VTCN1: variants seen among roughly 807,000 people sequenced by gnomAD.
VTCN1 encodes V-set domain-containing T-cell activation inhibitor 1.
VTCN1 carries 26 observed loss-of-function variants against 26.5 expected under a neutral mutation model. The observed-to-expected ratio is 0.98, with a 90% CI of 0.72 to 1.36. VTCN1 has a LOEUF of 1.36. Among genes scored for constraint, VTCN1 ranks in the 40% most tolerant of loss-of-function variants. The probability of loss-of-function intolerance (pLI) is 0.00; values close to 1 mark genes in which losing one functional copy is unlikely to be tolerated. For missense variants in VTCN1, 298 were observed against 337.7 expected, an observed-to-expected ratio of 0.88 and a Z score of 0.92; for synonymous variants, 116 against 130.7, an observed-to-expected ratio of 0.89 and a Z score of 0.77.
chr1:117,190,151 C>G (rs1460010323), intron 1 of VTCN1, among the ~76,000 whole-genome samples: 1 of 152,248 alleles, frequency 6.6e-6, no homozygotes, highest in South Asian at 2.1e-4. Context: ...TAGTCCCTCT[C>G]TGCTGTGCTT....
At chr1:117,180,024 G>C (rs1647593952) in intron 1 of VTCN1, among the ~76,000 whole-genome samples, 3 of 152,056 alleles carry the variant, frequency 2.0e-5, no homozygotes, top group African/African-American at 7.2e-5. Context: ...TGTAAATCTT[G>C]GGATTCGAAT....
In VTCN1 at chr1:117,206,408, A is replaced by G. The variant is rs61808502; in HGVS notation, c.32+4416T>C. On this transcript the variant is annotated intron_variant, in intron 1 of 5. Transcript: ENST00000369458. Reference sequence around the variant, plus strand: ...GTATAGCAATAGCTAACATTTATGGAGTTCTTAGGATGTGCCAGGAACATA... The same window carrying G: ...GTATAGCAATAGCTAACATTTATGGGGTTCTTAGGATGTGCCAGGAACATA... Among the ~76,000 whole-genome samples, 883 of 152,286 alleles carry G rather than the reference A, an allele frequency of 5.8e-3. 7 individuals carry two copies. Among genetic ancestry groups the G allele is most frequent in the Middle Eastern group, 0.024 (7 of 294 alleles).
intron 1 of VTCN1, among the ~76,000 whole-genome samples, chr1:117,174,577 G>A (rs138897127): frequency 0.039 from 5,863 of 152,248 alleles, 164 homozygotes; most frequent in South Asian, 0.082. Flanking sequence ...GACCAGCCCG[G>A]CCAACATGGT....
intron 1 of VTCN1, among the ~76,000 whole-genome samples, chr1:117,173,813 C>T (rs1315632220): frequency 6.6e-6 from 1 of 152,248 alleles, no homozygotes; most frequent in Non-Finnish European, 1.5e-5. Flanking sequence ...TACCTGGGCC[C>T]TTGCCAAGAA....
intron 1 of VTCN1, among the ~76,000 whole-genome samples, chr1:117,191,961 G>A (rs568265766): frequency 6.6e-6 from 1 of 151,840 alleles, no homozygotes; most frequent in East Asian, 1.9e-4. Context: ...AAGACCCTGT[G>A]GGGTGGGAGG....
intron 2 of VTCN1, among the ~76,000 whole-genome samples, chr1:117,168,015 G>A (rs1008551366): frequency 4.6e-5 from 7 of 151,810 alleles, no homozygotes; most frequent in African/African-American, 1.2e-4. Flanking sequence ...AAAAAAAACC[G>A]AAATTATGAA....
At chr1:117,170,373 G>T (rs1270868402) in intron 1 of VTCN1, 4 of 672,368 alleles carry the variant, frequency 5.9e-6, no homozygotes, top group African/African-American at 1.8e-5. Flanking sequence ...TGGGGCTCTG[G>T]GATCAATGAA....
chr1:117,208,824 A>C (rs77309624), intron 1 of VTCN1, among the ~76,000 whole-genome samples: 2,546 of 152,280 alleles, frequency 0.017, 74 homozygotes, highest in African/African-American at 0.058. Context: ...GGCTCTCTGG[A>C]AATTATGAAT....
chr1:117,153,298 A>G lies in VTCN1; in HGVS notation c.517T>C (p.Trp173Arg). The G allele has an allele frequency of 6.2e-7, 1 of 1,614,100 alleles. No individual in the cohort carries two copies. Among genetic ancestry groups the G allele is most frequent in the Non-Finnish European group, 8.5e-7 (1 of 1,179,996 alleles). Residue 173 changes from tryptophan (W) to arginine (R), a missense_variant, in exon 4 of 6, where the codon TGG becomes CGG. By Grantham distance (101) the Trp-to-Arg change is moderately radical. Transcript: ENST00000369458. The part of the protein sequence containing the change: ...SETLRCEAPR[W>R]FPQPTVVWAS... Reference sequence around the variant, plus strand: ...CAGACCACTGTGGGCTGGGGGAACCATCGGGGAGCCTCACACCGCAAGGTC... The same window carrying G: ...CAGACCACTGTGGGCTGGGGGAACCGTCGGGGAGCCTCACACCGCAAGGTC...
intron 1 of VTCN1, among the ~76,000 whole-genome samples, chr1:117,207,499 T>A: frequency 6.6e-6 from 1 of 152,094 alleles, no homozygotes; most frequent in Non-Finnish European, 1.5e-5. Context: ...CCATCCGTCC[T>A]GGCCCCTTGC....
At chr1:117,165,352 CATGATA>C (rs1219416231) in intron 2 of VTCN1, among the ~76,000 whole-genome samples, 1 of 152,180 alleles carries the variant, frequency 6.6e-6, no homozygotes, top group African/African-American at 2.4e-5. Context: ...AAGATATCAT[CATGATA>C]AAGTTTAGAT....
intron 1 of VTCN1, among the ~76,000 whole-genome samples, chr1:117,209,330 T>A (rs774957370): frequency 1.2e-4 from 19 of 152,102 alleles, no homozygotes; most frequent in Non-Finnish European, 2.4e-4. Flanking sequence ...TGGAGCCACT[T>A]GTTGCAGGAG....
intron 1 of VTCN1, among the ~76,000 whole-genome samples, chr1:117,189,808 C>G (rs1648147817): frequency 6.6e-6 from 1 of 152,102 alleles, no homozygotes. Context: ...TCCTATTCCC[C>G]CACAGCAATG....
intron 3 of VTCN1, among the ~76,000 whole-genome samples, chr1:117,156,339 C>A (rs1007565662): frequency 6.6e-6 from 1 of 152,116 alleles, no homozygotes; most frequent in South Asian, 2.1e-4. Flanking sequence ...GAGAACACAC[C>A]TGGAAATTCT....
At chr1:117,178,610 T>C (rs1180308941) in intron 1 of VTCN1, among the ~76,000 whole-genome samples, 2 of 148,934 alleles carry the variant, frequency 1.3e-5, no homozygotes, top group African/African-American at 5.0e-5. Flanking sequence ...TTTTTTTTTT[T>C]AGAGACAGGG....
chr1:117,187,554 A>G (rs1019899217), intron 1 of VTCN1, among the ~76,000 whole-genome samples: 29 of 152,124 alleles, frequency 1.9e-4, no homozygotes, highest in African/African-American at 7.0e-4. Flanking sequence ...ACTACTAGCC[A>G]TATGCATCAG....
intron 1 of VTCN1, chr1:117,172,425 G>C (rs1404332833): frequency 3.9e-6 from 2 of 518,828 alleles, no homozygotes; most frequent in Admixed American, 1.9e-5. Flanking sequence ...TGTAGCCTCA[G>C]TTCTTACTGG....
chr1:117,187,400 T>C (rs564926808), intron 1 of VTCN1, among the ~76,000 whole-genome samples: 1 of 152,016 alleles, frequency 6.6e-6, no homozygotes, highest in Non-Finnish European at 1.5e-5. Context: ...TCATTATTGT[T>C]CCTTCAGGCA....
intron 1 of VTCN1, among the ~76,000 whole-genome samples, chr1:117,187,628 T>G (rs1648013239): frequency 6.6e-6 from 1 of 152,216 alleles, no homozygotes. Context: ...TTACATTGTA[T>G]TGAAATTATC....
Sources: allele counts gnomAD v4.1 joint callset (sites outside exome capture counted in the v4.1 genomes callset), GRCh38; gene constraint gnomAD v4.1.1; transcripts MANE v1.5; gene names NCBI Gene and HGNC (gene_info 2026-07-23, HGNC 2026-07-21).